The following GYPE variants were observed in gnomAD, a reference collection of about 807,000 sequenced individuals.
GYPE encodes glycophorin-E.
Under a neutral mutation model 11.6 loss-of-function variants are expected in GYPE, and 8 were observed. The ratio of observed to expected loss-of-function variants is 0.69; its 90% confidence interval spans 0.41 to 1.25. The LOEUF (loss-of-function observed/expected upper bound fraction) is 1.25, where lower values mean the gene tolerates loss of function less well. GYPE is among the 50% of genes most tolerant of loss of function. The pLI, the probability that GYPE is intolerant of heterozygous loss-of-function variation, is 0.01. For missense variants in GYPE, 90 were observed against 92.8 expected (o/e 0.97, Z 0.12); for synonymous variants, 28 against 29.6 (o/e 0.94, Z 0.18).
chr4:143,905,327 G>A, intron 1 of GYPE, 144 bp downstream of exon 1: 7 of 1,377,324 alleles, frequency 5.1e-6, no homozygotes, highest in Non-Finnish European at 6.8e-6. Flanking sequence ...CTGAGTTCCA[G>A]TAAAATCCAT....
intron 1 of GYPE, among the ~76,000 whole-genome samples, chr4:143,901,553 A>T (rs1744868483): frequency 6.6e-6 from 1 of 151,988 alleles, no homozygotes; most frequent in South Asian, 2.1e-4. Flanking sequence ...CTTACTAAAG[A>T]TGTGGATATG....
intron 1 of GYPE, 105 bp downstream of exon 1, chr4:143,905,366 C>T: frequency 6.5e-7 from 1 of 1,549,542 alleles, no homozygotes; most frequent in South Asian, 1.2e-5. Flanking sequence ...AAATACTACT[C>T]ATTTATGCAT....
intron 1 of GYPE, among the ~76,000 whole-genome samples, chr4:143,901,431 AAT>A (rs1040353941): frequency 2.8e-5 from 3 of 108,612 alleles, no homozygotes; most frequent in African/African-American, 9.4e-5. Flanking sequence ...AGAAAAAAAA[AAT>A]AAAATCTTAC....
chr4:143,877,995 T>G (rs1743875518), intron 2 of GYPE, among the ~76,000 whole-genome samples: 1 of 149,670 alleles, frequency 6.7e-6, no homozygotes, highest in Non-Finnish European at 1.5e-5. Context: ...AGAGGGAACT[T>G]CACTTGTTTT....
intron 3 of GYPE, among the ~76,000 whole-genome samples, chr4:143,873,628 A>C (rs1223763191): frequency 6.6e-6 from 1 of 152,200 alleles, no homozygotes; most frequent in Non-Finnish European, 1.5e-5. Context: ...AATTCTAGTT[A>C]ATATGCTCCA....
intron 1 of GYPE, among the ~76,000 whole-genome samples, chr4:143,897,569 G>T (rs1306087860): frequency 6.6e-6 from 1 of 152,156 alleles, no homozygotes; most frequent in African/African-American, 2.4e-5. Context: ...TCAGACAAGT[G>T]TGTGTGTGAG....
chr4:143,879,089 C>A (rs1391741032), intron 2 of GYPE, among the ~76,000 whole-genome samples: 2 of 152,152 alleles, frequency 1.3e-5, no homozygotes, highest in Non-Finnish European at 2.9e-5. Context: ...ATGCGGCCAT[C>A]AATTTTCCAG....
chr4:143,883,496 T>C (rs1169394165), intron 1 of GYPE, among the ~76,000 whole-genome samples: 25 of 147,266 alleles, frequency 1.7e-4, no homozygotes, highest in African/African-American at 6.1e-4. Flanking sequence ...TAATAACATG[T>C]AATTAATTAT....
chr4:143,872,619 T>C (rs72950222), intron 3 of GYPE, among the ~76,000 whole-genome samples: 10,747 of 152,018 alleles, frequency 0.071, 999 homozygotes, highest in African/African-American at 0.2. Flanking sequence ...TCAATGAAAT[T>C]TTACTGAGTT....
intron 1 of GYPE, among the ~76,000 whole-genome samples, chr4:143,895,822 G>C (rs1265240081): frequency 6.6e-6 from 1 of 151,914 alleles, no homozygotes; most frequent in African/African-American, 2.4e-5. Flanking sequence ...TAGATCAATG[G>C]AACAGAACAG....
At chr4:143,873,656 G>T (rs1233627248) in intron 3 of GYPE, among the ~76,000 whole-genome samples, 1 of 152,196 alleles carries the variant, frequency 6.6e-6, no homozygotes, top group Non-Finnish European at 1.5e-5. Flanking sequence ...ATGTTCATCA[G>T]CTGATTATGT....
At chr4:143,897,653 C>T (rs1176962229) in intron 1 of GYPE, among the ~76,000 whole-genome samples, 3 of 152,124 alleles carry the variant, frequency 2.0e-5, no homozygotes, top group Non-Finnish European at 2.9e-5. Flanking sequence ...GCCTGATGAA[C>T]CTGGTTATAC....
intron 1 of GYPE, among the ~76,000 whole-genome samples, chr4:143,882,714 C>T (rs1354630637): frequency 6.6e-6 from 1 of 152,138 alleles, no homozygotes; most frequent in Non-Finnish European, 1.5e-5. Context: ...TAACTTTCAT[C>T]CTCTCCATGC....
At chr4:143,904,916 C>T (rs1312299821) in intron 1 of GYPE, among the ~76,000 whole-genome samples, 2 of 151,944 alleles carry the variant, frequency 1.3e-5, no homozygotes, top group Non-Finnish European at 2.9e-5. Context: ...TTAAATTTCT[C>T]CTAAAATTCA....
chr4:143,895,744 T>G (rs1744603841), intron 1 of GYPE, among the ~76,000 whole-genome samples: 1 of 149,620 alleles, frequency 6.7e-6, no homozygotes, highest in South Asian at 2.2e-4. Context: ...TCACGCTACC[T>G]GGCTTCAAAC....
chr4:143,873,869 G>T lies in GYPE; in HGVS notation c.*10-1617C>A, dbSNP rs551865678. ...TATTCCTAAACCTATCTGTGCTGAA[G>T]AACTTTTTGGATGCTTCCCACAGGA... On this transcript the variant is annotated intron_variant, in intron 3 of 3. Coordinates refer to ENST00000358615, the MANE Select transcript of GYPE (RefSeq NM_198682.3). Among the ~76,000 whole-genome samples, 411 of 152,096 alleles carry T rather than the reference G, an allele frequency of 2.7e-3. 2 individuals carry two copies. Among genetic ancestry groups the T allele is most frequent in the African/African-American group, 9.5e-3 (393 of 41,472 alleles).
At position 143,877,077 on chromosome 4, in the gene GYPE, G is replaced by A. The variant is rs568405983; in HGVS notation, c.137-222C>T. 1.4e-4 allele frequency among the ~76,000 whole-genome samples: 21 copies of A among 152,256 alleles called. 1 individual carries two copies. The South Asian group carries it at 3.9e-3, about 29-fold the overall frequency. ...GTGATCAAGTCTTTTGTCCAAGGTCGCACAAATAGTTGATGACAGAACTAA... is the reference window on the plus strand; with the variant it reads ...GTGATCAAGTCTTTTGTCCAAGGTCACACAAATAGTTGATGACAGAACTAA... On this transcript the variant is annotated intron_variant, in intron 2 of 3. Transcript: ENST00000358615.
chr4:143,883,010 T>C (rs1037490764), intron 1 of GYPE, among the ~76,000 whole-genome samples: 2 of 152,154 alleles, frequency 1.3e-5, no homozygotes, highest in Non-Finnish European at 2.9e-5. Context: ...TGTGTCATCA[T>C]CCAAATCTCA....
chr4:143,882,001 T>C (rs1253097889), intron 1 of GYPE, among the ~76,000 whole-genome samples: 1 of 152,106 alleles, frequency 6.6e-6, no homozygotes, highest in Non-Finnish European at 1.5e-5. Context: ...CCTTTCTCTA[T>C]TTATCAGCTG....
Sources: allele counts gnomAD v4.1 joint callset (sites outside exome capture counted in the v4.1 genomes callset), GRCh38; gene constraint gnomAD v4.1.1; transcripts MANE v1.5; gene names NCBI Gene and HGNC (gene_info 2026-07-23, HGNC 2026-07-21).